The following ERP44 variants were observed in gnomAD, a reference collection of about 807,000 sequenced individuals.
The protein encoded by ERP44 is endoplasmic reticulum resident protein 44.
ERP44 carries 25 observed loss-of-function variants against 53.4 expected under a neutral mutation model. The ratio of observed to expected loss-of-function variants is 0.47; its 90% CI spans 0.34 to 0.65. ERP44 has a LOEUF of 0.65. ERP44 is among the 30% of genes least tolerant of loss of function. The probability of loss-of-function intolerance (pLI) is 0.01; values close to 1 mark genes in which losing one functional copy is unlikely to be tolerated. For synonymous variants in ERP44, 145 were observed against 161.2 expected, an observed-to-expected ratio of 0.90 and a Z score of 0.76; for missense variants, 338 against 493.2, an observed-to-expected ratio of 0.69 and a Z score of 2.98.
intron 1 of ERP44, among the ~76,000 whole-genome samples, chr9:100,089,495 C>A (rs568570181): frequency 6.7e-6 from 1 of 149,862 alleles, no homozygotes; most frequent in African/African-American, 2.5e-5. Context: ...GCAGAAGAAT[C>A]GCTTGAACCC....
intron 1 of ERP44, among the ~76,000 whole-genome samples, chr9:100,065,332 T>C (rs1413929831): frequency 1.3e-5 from 2 of 152,184 alleles, no homozygotes; most frequent in Non-Finnish European, 1.5e-5. Context: ...TAGTAGGCTA[T>C]ACCATCTAGG....
intron 10 of ERP44, among the ~76,000 whole-genome samples, chr9:100,002,576 A>G (rs955537601): frequency 3.3e-5 from 5 of 152,208 alleles, no homozygotes; most frequent in South Asian, 2.1e-4. Context: ...GACTTTGAAC[A>G]TATCATCCCA....
intron 4 of ERP44, among the ~76,000 whole-genome samples, chr9:100,028,469 T>TA (rs1830677151): frequency 6.6e-6 from 1 of 152,354 alleles, no homozygotes; most frequent in Non-Finnish European, 1.5e-5. Context: ...GGCCATGTTT[T>TA]AATTGTGTGC....
At chr9:100,056,607 T>C (rs945195442) in intron 3 of ERP44, among the ~76,000 whole-genome samples, 1 of 152,142 alleles carries the variant, frequency 6.6e-6, no homozygotes, top group Admixed American at 6.5e-5. Flanking sequence ...AGAGTAGGGG[T>C]AGGTGTATTG....
intron 1 of ERP44, among the ~76,000 whole-genome samples, chr9:100,092,422 C>T (rs1423763569): frequency 6.6e-6 from 1 of 152,084 alleles, no homozygotes; most frequent in African/African-American, 2.4e-5. Flanking sequence ...ATAGACTACA[C>T]AAAGAATCAT....
At chr9:100,027,708 C>A (rs1302816755) in intron 4 of ERP44, among the ~76,000 whole-genome samples, 1 of 152,076 alleles carries the variant, frequency 6.6e-6, no homozygotes, top group Non-Finnish European at 1.5e-5. Context: ...TCACTAATAC[C>A]CAGCAGGGTT....
intron 4 of ERP44, among the ~76,000 whole-genome samples, chr9:100,030,555 T>A (rs1587968534): frequency 6.6e-6 from 1 of 152,140 alleles, no homozygotes; most frequent in African/African-American, 2.4e-5. Context: ...TTCCTAAAAT[T>A]TAGGGAGTTA....
At chr9:100,087,801 G>T (rs1325356679) in intron 1 of ERP44, among the ~76,000 whole-genome samples, 1 of 151,974 alleles carries the variant, frequency 6.6e-6, no homozygotes, top group African/African-American at 2.4e-5. Flanking sequence ...ATCTTATATT[G>T]TTCAAAATAT....
intron 3 of ERP44, among the ~76,000 whole-genome samples, 172 bp downstream of exon 3, chr9:100,057,648 A>G (rs1458645963): frequency 1.3e-5 from 2 of 152,212 alleles, no homozygotes. Flanking sequence ...CTTTCTTAAA[A>G]CAGAAATCCT....
chr9:100,081,510 A>G (rs1389923757), intron 1 of ERP44, among the ~76,000 whole-genome samples: 3 of 152,110 alleles, frequency 2.0e-5, no homozygotes, highest in East Asian at 1.9e-4. Context: ...TCTCATTTCA[A>G]TGACAGATCA....
At position 100,057,638 on chromosome 9, in the gene ERP44, C is replaced by CTT. The variant is rs1826099195; in HGVS notation, c.170+180_170+181dup. ...TAAGATAACAGAATCAGCTCTATTTCTTTCTTAAAACAGAAATCCTTACCA... is the reference window on the plus strand; with the variant it reads ...TAAGATAACAGAATCAGCTCTATTTCTTTTTCTTAAAACAGAAATCCTTACCA... On this transcript the variant is annotated intron_variant, in intron 3 of 11. Coordinates refer to ENST00000262455, the MANE Select transcript of ERP44 (RefSeq NM_015051.3). Among the ~76,000 whole-genome samples, 2 of 152,144 alleles carry CTT rather than the reference C, an allele frequency of 1.3e-5. 1 individual carries two copies. Among genetic ancestry groups the CTT allele is most frequent in the South Asian group, 4.1e-4 (2 of 4,822 alleles).
intron 2 of ERP44, among the ~76,000 whole-genome samples, chr9:100,058,297 G>A (rs145394618): frequency 1.0e-3 from 159 of 152,142 alleles, no homozygotes; most frequent in African/African-American, 3.5e-3. Flanking sequence ...GGCTGGTCTC[G>A]AACTCCTGGC....
chr9:100,060,070 A>G lies in ERP44; in HGVS notation c.130+30T>C, dbSNP rs775096039. ...AACTAACTCTCTATAGAGAAGAAAG[A>G]GTACACTTTAAAAATATTGAGGTAC... On this transcript the variant is annotated intron_variant, in intron 2 of 11. Transcript: ENST00000262455. 2.1e-6 allele frequency: 3 copies of G among 1,403,122 alleles called. No individual in the cohort carries two copies. The South Asian group carries it at 4.9e-5, about 23-fold the overall frequency. 86.9% of individuals were successfully genotyped at this position (1,403,122 alleles called of 1,614,324 possible). A position where few individuals can be genotyped will look rare whatever the true frequency, so the allele number is the denominator to read the frequency against.
Position 99,981,932 on chromosome 9 carries a change from A to T in ERP44, c.*680T>A, listed in dbSNP as rs1587951506. The T allele has an allele frequency of 6.6e-6, 1 of 152,278 alleles. No homozygotes were observed. The highest frequency in any genetic ancestry group is 1.5e-5 in the Non-Finnish European group (1 of 68,046). 9.4% of individuals were successfully genotyped at this position (152,278 alleles called of 1,614,324 possible). A position where few individuals can be genotyped will look rare whatever the true frequency, so the allele number is the denominator to read the frequency against. ...ATTCAAAGTTTTAAATGCCATCCATATGCCACATTTTTAGACAAACACAGA... is the reference window on the plus strand; with the variant it reads ...ATTCAAAGTTTTAAATGCCATCCATTTGCCACATTTTTAGACAAACACAGA... On this transcript the variant is annotated 3_prime_UTR_variant, in exon 12 of 12. Coordinates refer to ENST00000262455, the MANE Select transcript of ERP44 (RefSeq NM_015051.3).
chr9:100,054,442 A>G (rs753141506), intron 3 of ERP44, among the ~76,000 whole-genome samples: 1 of 152,216 alleles, frequency 6.6e-6, no homozygotes, highest in Non-Finnish European at 1.5e-5. Context: ...AAAAAAACAC[A>G]TCAAGGGCTT....
intron 1 of ERP44, among the ~76,000 whole-genome samples, chr9:100,076,165 G>C (rs1182512896): frequency 6.6e-6 from 1 of 152,206 alleles, no homozygotes; most frequent in Non-Finnish European, 1.5e-5. Context: ...CATGAGACCA[G>C]AACTGCCTAT....
rs1830122105 is a variant in ERP44, at chr9:99,979,291, T to G, written c.*3321A>C. 1 of 151,926 alleles carries G rather than the reference T, an allele frequency of 6.6e-6. No individual in the cohort carries two copies. 9.4% of individuals were successfully genotyped at this position (151,926 alleles called of 1,614,324 possible). On this transcript the variant is annotated 3_prime_UTR_variant, in exon 12 of 12. Coordinates refer to ENST00000262455, the MANE Select transcript of ERP44 (RefSeq NM_015051.3). The stretch of plus-strand genomic sequence containing the variant: ...CTGATTGTCAATCCATTACACTACT[T>G]TATCCATTCCTTTTTGCCCTCAGGT...
chr9:100,044,132 G>A (rs1382946596), intron 4 of ERP44, among the ~76,000 whole-genome samples: 1 of 152,154 alleles, frequency 6.6e-6, no homozygotes, highest in Non-Finnish European at 1.5e-5. Flanking sequence ...AACTATGGCA[G>A]TATTTATTTC....
In ERP44 at chr9:100,061,222, C is replaced by T. The variant is rs560708657; in HGVS notation, c.58-1050G>A. Reference sequence around the variant, plus strand: ...CTTTGAGAGGCCAAGGCGGGCAGATCACAACGAGGTCAAAAGATCGAGACC... The same window carrying T: ...CTTTGAGAGGCCAAGGCGGGCAGATTACAACGAGGTCAAAAGATCGAGACC... On this transcript the variant is annotated intron_variant, in intron 1 of 11. Transcript: ENST00000262455. 1.0e-3 allele frequency among the ~76,000 whole-genome samples: 155 copies of T among 152,162 alleles called. 1 individual carries two copies. Among genetic ancestry groups the T allele is most frequent in the Middle Eastern group, 3.4e-3 (1 of 294 alleles).
Sources: gnomAD v4.1 joint callset for allele counts (sites outside exome capture counted in the v4.1 genomes callset) on GRCh38, gnomAD v4.1.1 for gene constraint, MANE v1.5 for transcripts, NCBI Gene and HGNC (gene_info 2026-07-23, HGNC 2026-07-21) for gene names.